The following NECAB2 variants were observed in gnomAD, a reference collection of about 807,000 sequenced individuals.
NECAB2 encodes the protein N-terminal EF-hand calcium binding protein 2.
Under a neutral mutation model 51.9 loss-of-function variants are expected in NECAB2, and 68 were observed. The observed-to-expected ratio is 1.31, with a 90% CI of 1.08 to 1.60. NECAB2 has a LOEUF of 1.60. Among genes scored for constraint, NECAB2 ranks in the 40% most tolerant of loss-of-function variants. NECAB2 has a pLI of 0.00. For synonymous variants in NECAB2, 329 were observed against 203.5 expected, an observed-to-expected ratio of 1.62 and a Z score of -5.25; for missense variants, 854 against 490.3, an observed-to-expected ratio of 1.74 and a Z score of -7.00.
Position 83,994,677 on chromosome 16 carries a change from C to G in NECAB2, c.784C>G (p.Leu262Val), listed in dbSNP as rs1202571885. ...ISRLAELIGR[L>V]ESKALWFDLQ... ...CCGCTTGGCAGAGCTGATTGGGAGG[C>G]TGGAGAGCAAAGTAAGCCCTGGCCT... Residue 262 changes from leucine to valine, a missense_variant, in exon 8 of 13, where the codon CTG (leucine) becomes GTG (valine). Leu to Val is a conservative substitution (Grantham distance 32). Coordinates refer to ENST00000305202, the MANE Select transcript of NECAB2 (RefSeq NM_019065.3). The G allele has an allele frequency of 6.2e-7, 1 of 1,613,924 alleles. No individual in the cohort carries two copies.
rs762305588 is a variant in NECAB2 at position 83,994,712 on chromosome 16, G to C, written c.795+24G>C. On this transcript the variant is annotated intron_variant, in intron 8 of 12. Transcript: ENST00000305202. ...AAGTAAGCCCTGGCCTGACCACGGC[G>C]TCTACTCCTTCCAACCCCTGAGGGA... 4 of 1,612,710 alleles carry C rather than the reference G, an allele frequency of 2.5e-6. No homozygotes were observed. In the East Asian group the frequency reaches 6.7e-5, roughly 27 times the overall value.
chr16:83,988,855 C>G (rs891814076), intron 5 of NECAB2, among the ~76,000 whole-genome samples: 1 of 152,152 alleles, frequency 6.6e-6, no homozygotes, highest in Non-Finnish European at 1.5e-5. Context: ...GTAATATACC[C>G]ATGTAACAAA....
chr16:83,991,424 T>C (rs2084624099), intron 6 of NECAB2, among the ~76,000 whole-genome samples: 1 of 146,412 alleles, frequency 6.8e-6, no homozygotes, highest in Non-Finnish European at 1.5e-5. Context: ...TGGAGTGCAG[T>C]GGCGAGATCT....
chr16:83,965,906 A>C (rs758953583), upstream of NECAB2: 1 of 1,612,802 alleles, frequency 6.2e-7, no homozygotes, highest in Non-Finnish European at 8.5e-7. Context: ...CCTGTACGCC[A>C]TGGGGCCGCT....
chr16:83,994,531 GC>G (rs1157369257), intron 7 of NECAB2, 77 bp from the exon 8 acceptor site: 1 of 1,601,642 alleles, frequency 6.2e-7, no homozygotes, highest in Non-Finnish European at 8.6e-7. Flanking sequence ...CCCTGGAGGG[GC>G]TGGATGTTTC....
chr16:83,989,748 A>G (rs1171631027), intron 5 of NECAB2, among the ~76,000 whole-genome samples: 1 of 152,198 alleles, frequency 6.6e-6, no homozygotes, highest in African/African-American at 2.4e-5. Flanking sequence ...GCCTTGAGAA[A>G]TGTCCTTGCA....
chr16:83,973,815 C>T (rs1446272956), intron 2 of NECAB2, among the ~76,000 whole-genome samples: 1 of 151,834 alleles, frequency 6.6e-6, no homozygotes, highest in Non-Finnish European at 1.5e-5. Flanking sequence ...GGTGACTCAG[C>T]AGCGTGAGGC....
At chr16:83,979,015 C>T (rs1455735989) in intron 3 of NECAB2, among the ~76,000 whole-genome samples, 1 of 152,156 alleles carries the variant, frequency 6.6e-6, no homozygotes, top group Non-Finnish European at 1.5e-5. Context: ...ATCATTATAG[C>T]TTATTAAACC....
intron 5 of NECAB2, among the ~76,000 whole-genome samples, chr16:83,985,032 G>T (rs1281128026): frequency 6.6e-6 from 1 of 152,068 alleles, no homozygotes; most frequent in African/African-American, 2.4e-5. Flanking sequence ...TTTGATGGGG[G>T]CTGGGTGCAG....
At position 83,985,346 on chromosome 16, in the gene NECAB2, A is replaced by T. The variant is rs1160944504; in HGVS notation, c.459+4219A>T. Reference sequence around the variant, plus strand: ...AAAAAAAAAAAAAAAAAAAAAAAAAAGGTTACTGCTGGGTGCGGTGGCTCA... The same window carrying T: ...AAAAAAAAAAAAAAAAAAAAAAAAATGGTTACTGCTGGGTGCGGTGGCTCA... On this transcript the variant is annotated intron_variant, in intron 5 of 12. Coordinates refer to ENST00000305202, the MANE Select transcript of NECAB2 (RefSeq NM_019065.3). 3.5e-5 allele frequency among the ~76,000 whole-genome samples: 4 copies of T among 114,588 alleles called. No individual in the cohort carries two copies. The Admixed American group carries it at 3.7e-4, about 11-fold the overall frequency. The allele number at this position is 114,588 out of a possible 152,430, so 75.2% of individuals were successfully genotyped here. A position where few individuals can be genotyped will look rare whatever the true frequency, so the allele number is the denominator to read the frequency against.
chr16:83,965,374 T>C, upstream of NECAB2: 1 of 1,569,888 alleles, frequency 6.4e-7, no homozygotes, highest in South Asian at 1.2e-5. Flanking sequence ...TCATCCACCA[T>C]GAGCTGTCTG....
rs1243248504 is a variant in NECAB2 at position 83,981,091 on chromosome 16, T to A, written c.423T>A (p.Asn141Lys). ...EDVLASLETL[N>K]HSVLKAMGYT... ...TCCTGGCCTCCCTGGAGACCTTGAA[T>A]CACTCTGTCCTGAAGGCCATGGGTT... Residue 141 changes from asparagine (N) to lysine (K), a missense_variant, in exon 5 of 13, where the codon AAT (asparagine) becomes AAA (lysine). Coordinates refer to ENST00000305202, the MANE Select transcript of NECAB2 (RefSeq NM_019065.3). The A allele has an allele frequency of 6.2e-7, 1 of 1,614,050 alleles. No individual in the cohort carries two copies. The highest frequency in any genetic ancestry group is 1.3e-5 in the African/African-American group (1 of 74,904).
chr16:83,981,226 G>C (rs1194859151), intron 5 of NECAB2, 99 bp downstream of exon 5: 4 of 1,084,790 alleles, frequency 3.7e-6, no homozygotes, highest in Non-Finnish European at 5.5e-6. Flanking sequence ...CAGGCCGCCA[G>C]GGAGGCCTAT....
chr16:83,994,983 C>A (rs917097107), intron 8 of NECAB2, among the ~76,000 whole-genome samples: 3 of 152,134 alleles, frequency 2.0e-5, no homozygotes, highest in African/African-American at 7.2e-5. Context: ...CAGCAGGGTC[C>A]CGTGTTGCAA....
chr16:84,002,056 A>G, intron 12 of NECAB2, 140 bp downstream of exon 12: 1 of 1,113,108 alleles, frequency 9.0e-7, no homozygotes, highest in Non-Finnish European at 1.3e-6. Flanking sequence ...TGCCAGGCTC[A>G]GAGCCAGCCC....
At chr16:83,996,037 A>G (rs1385216772) in intron 8 of NECAB2, among the ~76,000 whole-genome samples, 1 of 152,118 alleles carries the variant, frequency 6.6e-6, no homozygotes, top group Non-Finnish European at 1.5e-5. Flanking sequence ...CCAGCCTCTA[A>G]CTGGCCCGGG....
At chr16:83,991,307 TTCTTTCTC>T (rs1352599868) in intron 6 of NECAB2, among the ~76,000 whole-genome samples, 3 of 150,756 alleles carry the variant, frequency 2.0e-5, no homozygotes, top group South Asian at 4.2e-4. Flanking sequence ...CTCTCTCTCT[TTCTTTCTC>T]TCTTTCTCTC....
At position 84,002,723 on chromosome 16, in the gene NECAB2, T is replaced by C. The variant is rs1048549761; in HGVS notation, c.*377T>C. On this transcript the variant is annotated 3_prime_UTR_variant, in exon 13 of 13. Coordinates refer to ENST00000305202, the MANE Select transcript of NECAB2 (RefSeq NM_019065.3). ...AGTCATGCCCCTGTAGTGCCCAACC[T>C]AGCCAGGTAGCCACCACTGTGCCCA... The C allele has an allele frequency of 4.3e-5, 10 of 232,524 alleles. No homozygotes were observed. Among genetic ancestry groups the C allele is most frequent in the Non-Finnish European group, 8.6e-5 (10 of 116,864 alleles). The allele number at this position is 232,524 out of a possible 1,614,324, so 14.4% of individuals were successfully genotyped here.
At chr16:83,992,619 G>T (rs2084641099) in intron 6 of NECAB2, among the ~76,000 whole-genome samples, 5 of 152,160 alleles carry the variant, frequency 3.3e-5, no homozygotes, top group Admixed American at 3.3e-4. Flanking sequence ...TTTCTTCGTA[G>T]TTGAAGAGCT....
Sources: gnomAD v4.1 joint callset for allele counts (sites outside exome capture counted in the v4.1 genomes callset) on GRCh38, gnomAD v4.1.1 for gene constraint, MANE v1.5 for transcripts, NCBI Gene and HGNC (gene_info 2026-07-23, HGNC 2026-07-21) for gene names.